Variants in MEF2C observed in about 807,000 individuals in gnomAD.
MEF2C encodes the protein myocyte enhancer factor 2C.
A neutral mutation model predicts 50.5 loss-of-function variants in MEF2C; 6 were observed. That is an observed-to-expected ratio of 0.12 (90% CI 0.07 to 0.23). MEF2C has a LOEUF of 0.23. MEF2C is among the 10% of genes least tolerant of loss of function. The pLI, the probability that MEF2C is intolerant of heterozygous loss-of-function variation, is 1.00. For missense variants in MEF2C, 276 were observed against 605.0 expected (o/e 0.46, Z 5.70); for synonymous variants, 183 against 228.0 (o/e 0.80, Z 1.78).
At chr5:88,790,884 T>TA (rs1793443048) in intron 3 of MEF2C, among the ~76,000 whole-genome samples, 2 of 152,092 alleles carry the variant, frequency 1.3e-5, no homozygotes, top group African/African-American at 4.8e-5. Flanking sequence ...GATTTGTAAT[T>TA]AGACAAAACA....
chr5:88,847,644 T>C (rs1306198753), intron 1 of MEF2C, among the ~76,000 whole-genome samples: 2 of 152,118 alleles, frequency 1.3e-5, no homozygotes, highest in African/African-American at 2.4e-5. Flanking sequence ...CAATTCTCTG[T>C]GCCAACTTCC....
intron 3 of MEF2C, 34 bp downstream of exon 3, chr5:88,804,564 G>A (rs778036611): frequency 6.2e-6 from 10 of 1,606,754 alleles, no homozygotes; most frequent in East Asian, 2.2e-5. Flanking sequence ...CCCTGCTTGC[G>A]GAGGCTTGGG....
chr5:88,757,815 C>T (rs980630867), intron 4 of MEF2C, among the ~76,000 whole-genome samples: 4 of 152,058 alleles, frequency 2.6e-5, no homozygotes, highest in African/African-American at 9.7e-5. Flanking sequence ...ACTTGGGAGG[C>T]TAAGGCAGGA....
At chr5:88,729,149 T>C in intron 9 of MEF2C, 69 bp downstream of exon 9, 1 of 1,587,334 alleles carries the variant, frequency 6.3e-7, no homozygotes, top group Admixed American at 1.7e-5. Context: ...GAGTAAAAGA[T>C]AACTTTTTCA....
chr5:88,856,279 G>T (rs997889036), intron 1 of MEF2C, among the ~76,000 whole-genome samples: 19 of 152,134 alleles, frequency 1.2e-4, no homozygotes, highest in African/African-American at 4.3e-4. Context: ...AGGTGACTTG[G>T]GTGCTCTTAA....
chr5:88,855,525 C>G (rs911050700), intron 1 of MEF2C, among the ~76,000 whole-genome samples: 4 of 152,170 alleles, frequency 2.6e-5, no homozygotes. Flanking sequence ...CTTTCTGATA[C>G]AGTTTGGCTG....
intron 1 of MEF2C, among the ~76,000 whole-genome samples, chr5:88,895,184 G>T (rs1301321226): frequency 1.3e-5 from 2 of 152,048 alleles, no homozygotes; most frequent in East Asian, 3.8e-4. Flanking sequence ...TTTCTTTTCT[G>T]TCAGTTTCAT....
intron 1 of MEF2C, among the ~76,000 whole-genome samples, chr5:88,857,809 C>A (rs1824012712): frequency 1.3e-5 from 2 of 152,228 alleles, no homozygotes; most frequent in Non-Finnish European, 2.9e-5. Flanking sequence ...AATTAAATCT[C>A]TTTTCTTTAT....
chr5:88,752,700 C>A, intron 4 of MEF2C: 1 of 985,348 alleles, frequency 1.0e-6, no homozygotes, highest in Non-Finnish European at 1.2e-6. Context: ...AATGGCAAGA[C>A]CTGTATCTCA....
At chr5:88,787,337 A>G (rs555769637) in intron 3 of MEF2C, among the ~76,000 whole-genome samples, 2 of 152,260 alleles carry the variant, frequency 1.3e-5, no homozygotes, top group South Asian at 2.1e-4. Context: ...GACTTTGAAA[A>G]TAAAACTAAT....
intron 6 of MEF2C, chr5:88,748,215 A>C (rs1770861967): frequency 1.0e-6 from 1 of 981,560 alleles, no homozygotes; most frequent in African/African-American, 1.7e-5. Context: ...GACCCTGGCA[A>C]AATATTTTAA....
chr5:88,770,527 C>T (rs952129488), intron 3 of MEF2C, among the ~76,000 whole-genome samples: 3 of 152,150 alleles, frequency 2.0e-5, no homozygotes, highest in Non-Finnish European at 4.4e-5. Context: ...CAGGATTTCC[C>T]ACGATCTCTT....
chr5:88,886,241 T>C (rs1834035842), upstream of MEF2C, among the ~76,000 whole-genome samples: 1 of 152,226 alleles, frequency 6.6e-6, no homozygotes, highest in African/African-American at 2.4e-5. Context: ...AAATTATTCA[T>C]GAGTAATCCA....
intron 3 of MEF2C, among the ~76,000 whole-genome samples, chr5:88,796,911 A>G (rs1205122241): frequency 6.6e-6 from 1 of 152,162 alleles, no homozygotes; most frequent in Non-Finnish European, 1.5e-5. Flanking sequence ...CAGGTTCTTG[A>G]GGTTCCCTGT....
intron 1 of MEF2C, among the ~76,000 whole-genome samples, chr5:88,901,892 G>A (rs571641919): frequency 1.3e-5 from 2 of 151,954 alleles, no homozygotes; most frequent in South Asian, 4.2e-4. Flanking sequence ...AAATATTTGA[G>A]CTATATTTAA....
intron 1 of MEF2C, among the ~76,000 whole-genome samples, chr5:88,843,900 C>A (rs1458089742): frequency 6.6e-6 from 1 of 151,460 alleles, no homozygotes; most frequent in Admixed American, 6.6e-5. Context: ...ACCTCTGCCT[C>A]CTGGGTTCAA....
chr5:88,844,017 G>A (rs1367263728), intron 1 of MEF2C, among the ~76,000 whole-genome samples: 1 of 152,030 alleles, frequency 6.6e-6, no homozygotes, highest in Non-Finnish European at 1.5e-5. Context: ...TCACCATGTT[G>A]GCCATGATGA....
At chr5:88,865,624 G>C (rs889069914) in intron 1 of MEF2C, among the ~76,000 whole-genome samples, 2 of 152,164 alleles carry the variant, frequency 1.3e-5, no homozygotes, top group South Asian at 4.2e-4. Context: ...GTCTTAGAGC[G>C]TGCTTTACAG....
At chr5:88,775,438 C>T (rs1784314759) in intron 3 of MEF2C, among the ~76,000 whole-genome samples, 1 of 152,190 alleles carries the variant, frequency 6.6e-6, no homozygotes. Flanking sequence ...ATAGATCCTT[C>T]TTTCTAGGTT....
Sources: allele counts gnomAD v4.1 joint callset (sites outside exome capture counted in the v4.1 genomes callset), GRCh38; gene constraint gnomAD v4.1.1; transcripts MANE v1.5; gene names NCBI Gene and HGNC (gene_info 2026-07-23, HGNC 2026-07-21).